The following MGMT variants were observed in gnomAD, a reference collection of about 807,000 sequenced individuals.
MGMT encodes the protein O-6-methylguanine-DNA methyltransferase.
A neutral mutation model predicts 15.9 loss-of-function variants in MGMT; 14 were observed. That is an observed-to-expected ratio of 0.88 (90% CI 0.58 to 1.37). The LOEUF (loss-of-function observed/expected upper bound fraction) is 1.37, where lower values mean the gene tolerates loss of function less well. Among genes scored for constraint, MGMT ranks in the 40% most tolerant of loss-of-function variants. The pLI is 0.00. For missense variants in MGMT, 282 were observed against 268.1 expected (o/e 1.05, Z -0.36); for synonymous variants, 130 against 118.2 (o/e 1.10, Z -0.65).
chr10:129,603,000 T>G (rs1184322159), intron 2 of MGMT, among the ~76,000 whole-genome samples: 1 of 152,230 alleles, frequency 6.6e-6, no homozygotes, highest in Non-Finnish European at 1.5e-5. Flanking sequence ...TTCAGGCAAC[T>G]ATACGAACCT....
intron 1 of MGMT, among the ~76,000 whole-genome samples, chr10:129,476,029 T>C (rs1417799221): frequency 6.6e-6 from 1 of 152,206 alleles, no homozygotes; most frequent in Admixed American, 6.5e-5. Context: ...GGGTGGGTGG[T>C]CCCTGCCTCC....
intron 2 of MGMT, among the ~76,000 whole-genome samples, chr10:129,632,797 C>A (rs1847225593): frequency 7.1e-6 from 1 of 140,558 alleles, no homozygotes; most frequent in Admixed American, 7.0e-5. Context: ...CTTTAAAAGT[C>A]AAGTTCGGAA....
chr10:129,578,685 TAAGA>T (rs1373835513), intron 2 of MGMT, among the ~76,000 whole-genome samples: 3 of 152,188 alleles, frequency 2.0e-5, no homozygotes, highest in East Asian at 1.9e-4. Context: ...AGTATAATAA[TAAGA>T]AAGAAACAAG....
intron 1 of MGMT, among the ~76,000 whole-genome samples, chr10:129,481,366 A>G (rs528880946): frequency 9.2e-5 from 14 of 152,126 alleles, no homozygotes; most frequent in African/African-American, 2.4e-4. Flanking sequence ...TGACGTGTGG[A>G]TATGTTTGAG....
In MGMT at chr10:129,767,162, G is replaced by A. The variant is rs963308970; in HGVS notation, c.*165G>A. ...TACAGCAGGATGAGTTCAGACGCCC[G>A]CGGTCCTGCACACATTTGTTTCCTT... On this transcript the variant is annotated 3_prime_UTR_variant, in exon 5 of 5. Coordinates refer to ENST00000651593, the MANE Select transcript of MGMT (RefSeq NM_002412.5). 8.4e-5 allele frequency: 51 copies of A among 610,058 alleles called. No individual in the cohort carries two copies. The highest frequency in any genetic ancestry group is 5.2e-4 in the African/African-American group (28 of 53,524). 37.8% of individuals were successfully genotyped at this position (610,058 alleles called of 1,614,324 possible).
At chr10:129,505,816 A>G (rs1270389688) in intron 1 of MGMT, among the ~76,000 whole-genome samples, 2 of 152,040 alleles carry the variant, frequency 1.3e-5, no homozygotes, top group East Asian at 3.9e-4. Flanking sequence ...TGTTTCTTTG[A>G]TTATACTGGG....
intron 2 of MGMT, among the ~76,000 whole-genome samples, chr10:129,665,248 C>G (rs1847645789): frequency 1.5e-5 from 2 of 130,906 alleles, no homozygotes; most frequent in Non-Finnish European, 3.3e-5. Flanking sequence ...ACTCACTTAC[C>G]CCCACACCCG....
At chr10:129,753,482 G>A (rs568623856) in intron 3 of MGMT, among the ~76,000 whole-genome samples, 16 of 152,010 alleles carry the variant, frequency 1.1e-4, no homozygotes, top group South Asian at 2.1e-4. Context: ...CTTGTCTCAC[G>A]TGTTCTCTTT....
chr10:129,586,869 T>A (rs1232741592), intron 2 of MGMT, among the ~76,000 whole-genome samples: 5 of 152,194 alleles, frequency 3.3e-5, no homozygotes, highest in Non-Finnish European at 5.9e-5. Flanking sequence ...AATTCTTGCA[T>A]ATAGTCTCTG....
At chr10:129,633,670 G>A (rs763400914) in intron 2 of MGMT, among the ~76,000 whole-genome samples, 2 of 152,198 alleles carry the variant, frequency 1.3e-5, no homozygotes, top group Non-Finnish European at 2.9e-5. Context: ...CAGATAAGTA[G>A]TGCTGATACT....
At chr10:129,541,905 T>G (rs2119770268) in intron 2 of MGMT, among the ~76,000 whole-genome samples, 1 of 152,302 alleles carries the variant, frequency 6.6e-6, no homozygotes, top group South Asian at 2.1e-4. Context: ...GGATTGAGGC[T>G]GGGTGGGGCA....
At chr10:129,576,423 A>G (rs930249327) in intron 2 of MGMT, among the ~76,000 whole-genome samples, 2 of 152,242 alleles carry the variant, frequency 1.3e-5, no homozygotes, top group African/African-American at 2.4e-5. Flanking sequence ...AAACAGAACC[A>G]AAGACAAAAA....
intron 2 of MGMT, among the ~76,000 whole-genome samples, chr10:129,636,946 C>A (rs1184386126): frequency 6.6e-6 from 1 of 152,164 alleles, no homozygotes; most frequent in Non-Finnish European, 1.5e-5. Context: ...CAAGAGCAGC[C>A]ACACTCGAGT....
chr10:129,575,291 A>T (rs1185932807), intron 2 of MGMT, among the ~76,000 whole-genome samples: 5 of 151,852 alleles, frequency 3.3e-5, no homozygotes, highest in South Asian at 2.1e-4. Flanking sequence ...GAAGTAAAGC[A>T]CTCCTCAGCA....
intron 2 of MGMT, among the ~76,000 whole-genome samples, chr10:129,587,514 G>A (rs1846631650): frequency 6.7e-6 from 1 of 149,034 alleles, no homozygotes; most frequent in African/African-American, 2.5e-5. Context: ...TTTTTGAGAT[G>A]GAGTCTTGTT....
At chr10:129,720,363 G>T (rs1848355580) in intron 3 of MGMT, among the ~76,000 whole-genome samples, 1 of 152,306 alleles carries the variant, frequency 6.6e-6, no homozygotes, top group Middle Eastern at 3.4e-3. Flanking sequence ...GGGTCACTGG[G>T]GTCTGGGGAG....
At chr10:129,581,772 G>C (rs549287684) in intron 2 of MGMT, among the ~76,000 whole-genome samples, 88 of 152,368 alleles carry the variant, frequency 5.8e-4, no homozygotes, top group Non-Finnish European at 1.1e-3. Flanking sequence ...TGTGAGTTAG[G>C]TGTGGGCGTG....
At chr10:129,729,227 C>T (rs988290372) in intron 3 of MGMT, among the ~76,000 whole-genome samples, 6 of 152,136 alleles carry the variant, frequency 3.9e-5, no homozygotes, top group Admixed American at 6.5e-5. Context: ...CTTCGTGCCT[C>T]GTGTGAAAAA....
chr10:129,680,525 C>T (rs1847838229), intron 2 of MGMT, among the ~76,000 whole-genome samples: 1 of 151,878 alleles, frequency 6.6e-6, no homozygotes, highest in South Asian at 2.1e-4. Flanking sequence ...CATGCTCTCC[C>T]CCGGATCTGA....
Sources: allele counts gnomAD v4.1 joint callset (sites outside exome capture counted in the v4.1 genomes callset), GRCh38; gene constraint gnomAD v4.1.1; transcripts MANE v1.5; gene names NCBI Gene and HGNC (gene_info 2026-07-23, HGNC 2026-07-21).